Variants in RIPOR3 observed in about 807,000 individuals in gnomAD.
RIPOR3 encodes the protein RIPOR family member 3.
A neutral mutation model predicts 114.3 loss-of-function variants in RIPOR3; 95 were observed. The ratio of observed to expected loss-of-function variants is 0.83; its 90% CI spans 0.70 to 0.99. The LOEUF (loss-of-function observed/expected upper bound fraction) is 0.99, where lower values mean the gene tolerates loss of function less well. RIPOR3 is among the 50% of genes least tolerant of loss of function. The probability of loss-of-function intolerance (pLI) is 0.00; values close to 1 mark genes in which losing one functional copy is unlikely to be tolerated. For missense variants in RIPOR3, 1,252 were observed against 1,266.9 expected (o/e 0.99, Z 0.18); for synonymous variants, 575 against 543.8 (o/e 1.06, Z -0.80).
At chr20:50,596,776 AG>A (rs1434780687) in intron 14 of RIPOR3, among the ~76,000 whole-genome samples, 1 of 152,162 alleles carries the variant, frequency 6.6e-6, no homozygotes, top group Non-Finnish European at 1.5e-5. Context: ...GTGAGAGGCG[AG>A]GAGAAGGAAT....
intron 2 of RIPOR3, among the ~76,000 whole-genome samples, chr20:50,625,070 G>GT (rs11482142): frequency 0.19 from 26,583 of 136,582 alleles, 2,702 homozygotes; most frequent in East Asian, 0.29. Flanking sequence ...CAGTGCTTTT[G>GT]TTTTTTTTTT....
chr20:50,670,707 TA>T (rs1185859228), intron 1 of RIPOR3, among the ~76,000 whole-genome samples: 1 of 152,100 alleles, frequency 6.6e-6, no homozygotes, highest in African/African-American at 2.4e-5. Flanking sequence ...TGAGTCAATG[TA>T]TGATTAAATT....
At chr20:50,596,060 C>G in intron 15 of RIPOR3, 80 bp downstream of exon 15, 1 of 1,586,230 alleles carries the variant, frequency 6.3e-7, no homozygotes, top group Non-Finnish European at 8.6e-7. Flanking sequence ...ATGCTTCCCA[C>G]CACCTTCAAG....
At chr20:50,637,781 G>A (rs1203877268) in intron 1 of RIPOR3, among the ~76,000 whole-genome samples, 1 of 151,990 alleles carries the variant, frequency 6.6e-6, no homozygotes, top group Non-Finnish European at 1.5e-5. Flanking sequence ...AGGCTGAAGC[G>A]GGAGAATTGC....
Position 50,592,443 on chromosome 20 carries a change from T to A in RIPOR3, c.2478A>T (p.Arg826Ser). Reference sequence around the variant, plus strand: ...CGTCCAGCTGGAGCAGCGCCCAGGCTCTTAAGGTCTGGGGCAGAGGCTGGA... The same window carrying A: ...CGTCCAGCTGGAGCAGCGCCCAGGCACTTAAGGTCTGGGGCAGAGGCTGGA... ...GQLQPLPQTL[R>S]AWALLQLDGT... The change falls in exon 19 of 22, where the codon AGA becomes AGT. Residue 826 changes from arginine (R) to serine (S), a missense_variant. By Grantham distance (110) the Arg-to-Ser change is moderately radical (BLOSUM62 -1). Transcript: ENST00000327979. 6.2e-7 allele frequency: 1 copy of A among 1,612,580 alleles called. No individual in the cohort carries two copies. Among genetic ancestry groups the A allele is most frequent in the Non-Finnish European group, 8.5e-7 (1 of 1,179,502 alleles).
At chr20:50,652,964 C>A (rs976490098) in intron 1 of RIPOR3, among the ~76,000 whole-genome samples, 4 of 152,172 alleles carry the variant, frequency 2.6e-5, no homozygotes, top group African/African-American at 7.2e-5. Flanking sequence ...AAGTATACAT[C>A]CAAGAGGAAT....
intron 20 of RIPOR3, 22 bp from the exon 21 acceptor site, chr20:50,587,914 A>G (rs1601426642): frequency 1.2e-6 from 2 of 1,612,418 alleles, no homozygotes; most frequent in Non-Finnish European, 1.7e-6. Flanking sequence ...TAGGAGAAAA[A>G]GAACCCTTTA....
At chr20:50,633,923 C>T (rs890898785) in intron 1 of RIPOR3, among the ~76,000 whole-genome samples, 11 of 151,722 alleles carry the variant, frequency 7.3e-5, no homozygotes, top group Non-Finnish European at 1.3e-4. Flanking sequence ...AGGTGAGAGG[C>T]GACTCAGGGA....
intron 5 of RIPOR3, 94 bp from the exon 6 acceptor site, chr20:50,611,000 G>A: frequency 6.7e-7 from 1 of 1,495,014 alleles, no homozygotes; most frequent in South Asian, 1.2e-5. Context: ...TCCTAACTCA[G>A]AGAATGGGGC....
At chr20:50,644,574 C>G (rs983197434) in intron 1 of RIPOR3, among the ~76,000 whole-genome samples, 8 of 152,026 alleles carry the variant, frequency 5.3e-5, no homozygotes, top group Admixed American at 3.9e-4. Flanking sequence ...ACCTCTGCCT[C>G]CCGGGCTCAA....
intron 21 of RIPOR3, 31 bp downstream of exon 21, chr20:50,587,771 G>C: frequency 6.2e-7 from 1 of 1,609,926 alleles, no homozygotes; most frequent in Non-Finnish European, 8.5e-7. Context: ...CAGGCACCCC[G>C]CTGCGCTGCA....
At chr20:50,642,256 TG>T (rs1304962429) in intron 1 of RIPOR3, among the ~76,000 whole-genome samples, 1 of 151,830 alleles carries the variant, frequency 6.6e-6, no homozygotes, top group African/African-American at 2.4e-5. Context: ...TCTTCTTGAT[TG>T]CTGGGAGCGG....
chr20:50,608,530 G>A lies in RIPOR3; in HGVS notation c.815C>T (p.Thr272Met), dbSNP rs770915755. 22 of 1,613,742 alleles carry A rather than the reference G, an allele frequency of 1.4e-5. No individual in the cohort carries two copies. The highest frequency in any genetic ancestry group is 2.2e-5 in the South Asian group (2 of 91,076). ...CAGCGAGCCCAGGCCCCGCAACTCC[G>A]TCACCTGGGGGTGGGGGCTGGAGGG... The part of the protein sequence containing the change: ...TLHENLDIKV[T>M]ELRGLGSLAV... The change falls in exon 11 of 22, where the codon ACG (threonine) becomes ATG (methionine). Residue 272 changes from threonine to methionine, a missense_variant. Transcript: ENST00000327979.
Position 50,602,422 on chromosome 20 carries a change from C to T in RIPOR3, c.1309G>A (p.Gly437Ser), listed in dbSNP as rs571041619. Residue 437 changes from glycine (G) to serine (S), a missense_variant, in exon 13 of 22, where the codon GGT (glycine) becomes AGT (serine). Coordinates refer to ENST00000327979, the MANE Select transcript of RIPOR3 (RefSeq NM_001290268.2). The surrounding 1 kb of genome is among the most constrained non-coding windows in gnomAD (Gnocchi z 4.3). The part of the protein sequence containing the change: ...SDVGFLPLTF[G>S]PHASIEEEAR... ...TCCTCTTCAATGGAGGCGTGGGGAC[C>T]GAAGGTCAAGGGCAGGAAGCCCACA... is the stretch of plus-strand genomic sequence containing the variant. 42 of 1,601,098 alleles carry T rather than the reference C, an allele frequency of 2.6e-5. No individual in the cohort carries two copies. The highest frequency in any genetic ancestry group is 5.4e-5 in the African/African-American group (4 of 74,598).
At chr20:50,609,519 G>A in intron 7 of RIPOR3, 54 bp downstream of exon 7, 1 of 1,436,876 alleles carries the variant, frequency 7.0e-7, no homozygotes, top group Non-Finnish European at 9.1e-7. Flanking sequence ...TGTCCCCACT[G>A]CCCGGCCCAG....
Position 50,586,996 on chromosome 20 carries a change from GT to G in RIPOR3, c.*235del, listed in dbSNP as rs1047197657. ...CCCTCAGCCAGAAGTTGAGCGCTCT[GT>G]TGAGGCCGTGCAGCCCCTGGAATGC... On this transcript the variant is annotated 3_prime_UTR_variant, in exon 22 of 22. Coordinates refer to ENST00000327979, the MANE Select transcript of RIPOR3 (RefSeq NM_001290268.2). 1 of 512,686 alleles carries G rather than the reference GT, an allele frequency of 2.0e-6. No individual in the cohort carries two copies. Among genetic ancestry groups the G allele is most frequent in the Non-Finnish European group, 3.5e-6 (1 of 284,228 alleles). The allele number at this position is 512,686 out of a possible 1,614,324, so 31.8% of individuals were successfully genotyped here.
rs143629154 is a variant in RIPOR3, at chr20:50,653,572, C to T, written c.4-22716G>A. 1.4e-3 allele frequency among the ~76,000 whole-genome samples: 211 copies of T among 147,572 alleles called. 1 individual carries two copies. Among genetic ancestry groups the T allele is most frequent in the Middle Eastern group, 6.9e-3 (2 of 290 alleles). The stretch of plus-strand genomic sequence containing the variant: ...TGCCTCAGCCTCCTGAGATTACAGG[C>T]GTATGCCACCACACTTGGCTAATTT... On this transcript the variant is annotated intron_variant, in intron 1 of 21. Transcript: ENST00000327979.
At chr20:50,659,588 A>G (rs1012920483) in intron 1 of RIPOR3, among the ~76,000 whole-genome samples, 1 of 146,952 alleles carries the variant, frequency 6.8e-6, no homozygotes, top group Non-Finnish European at 1.5e-5. Context: ...CAGAGGTTGC[A>G]GTGAGCCGAG....
At chr20:50,620,897 G>T (rs140792210) in intron 2 of RIPOR3, 14 of 638,554 alleles carry the variant, frequency 2.2e-5, no homozygotes, top group Non-Finnish European at 3.0e-6. Context: ...GATCCGGGAG[G>T]TGTGTGGCTT....
Sources: allele counts gnomAD v4.1 joint callset (sites outside exome capture counted in the v4.1 genomes callset), GRCh38; gene constraint gnomAD v4.1.1; non-coding constraint Gnocchi (gnomAD v3.1); transcripts MANE v1.5; gene names NCBI Gene and HGNC (gene_info 2026-07-23, HGNC 2026-07-21).